Variants in CFAP95 observed in about 807,000 individuals in gnomAD.
CFAP95 encodes the protein cilia and flagella associated protein 95.
chr9:69,884,201 T>C, the CFAP95 span, among the ~76,000 whole-genome samples: 10 of 152,336 alleles, frequency 6.6e-5, no homozygotes, highest in South Asian at 2.1e-3. Flanking sequence ...GTATATATTT[T>C]TATGTATTTT....
At chr9:69,849,116 C>T in the CFAP95 span, among the ~76,000 whole-genome samples, 1 of 152,186 alleles carries the variant, frequency 6.6e-6, no homozygotes, top group Non-Finnish European at 1.5e-5. Flanking sequence ...CTTCATGACA[C>T]TTACATTGCT....
chr9:69,905,842 T>C, the CFAP95 span: 6 of 809,640 alleles, frequency 7.4e-6, no homozygotes, highest in Admixed American at 3.9e-5. Context: ...TAATCAATTG[T>C]TAAAAATTAA....
chr9:69,833,695 G>A, the CFAP95 span, among the ~76,000 whole-genome samples: 2 of 152,012 alleles, frequency 1.3e-5, no homozygotes. Context: ...CCTTGTACAT[G>A]TTATAATCTG....
chr9:69,847,875 G>A, the CFAP95 span, among the ~76,000 whole-genome samples: 1 of 152,146 alleles, frequency 6.6e-6, no homozygotes, highest in African/African-American at 2.4e-5. Context: ...TTTAAAATCG[G>A]ACTTACTTTT....
the CFAP95 span, among the ~76,000 whole-genome samples, chr9:69,877,736 G>A: frequency 6.6e-6 from 1 of 152,148 alleles, no homozygotes; most frequent in Non-Finnish European, 1.5e-5. Context: ...GGAAGATGAT[G>A]ATTTTGTTTC....
the CFAP95 span, among the ~76,000 whole-genome samples, chr9:69,822,000 C>T: frequency 1.4e-3 from 219 of 152,222 alleles, no homozygotes; most frequent in African/African-American, 4.8e-3. Flanking sequence ...TAGAACTTGA[C>T]CTGGAAATTC....
the CFAP95 span, among the ~76,000 whole-genome samples, chr9:69,866,978 A>G: frequency 1.1e-4 from 16 of 152,146 alleles, no homozygotes; most frequent in Non-Finnish European, 2.1e-4. Context: ...ACTAGTTGGC[A>G]AGTTTGCTGA....
the CFAP95 span, among the ~76,000 whole-genome samples, chr9:69,883,396 G>T: frequency 6.6e-6 from 1 of 152,112 alleles, no homozygotes; most frequent in Non-Finnish European, 1.5e-5. Flanking sequence ...CTCTGGTTGG[G>T]GAGGGGTTTA....
chr9:69,822,996 A>G, the CFAP95 span, among the ~76,000 whole-genome samples: 2 of 152,240 alleles, frequency 1.3e-5, no homozygotes, highest in East Asian at 3.8e-4. Context: ...TAAGTTGTCA[A>G]TAATATAGGG....
the CFAP95 span, among the ~76,000 whole-genome samples, chr9:69,842,956 G>T: frequency 6.6e-6 from 1 of 152,204 alleles, no homozygotes; most frequent in Non-Finnish European, 1.5e-5. Flanking sequence ...GGAATGTAGT[G>T]CAGGGGCTGA....
At chr9:69,886,844 A>G in the CFAP95 span, 2 of 1,612,866 alleles carry the variant, frequency 1.2e-6, no homozygotes, top group South Asian at 1.1e-5. Context: ...TTAGGTGTGC[A>G]TTGACAACGT....
chr9:69,897,199 A>G, the CFAP95 span, among the ~76,000 whole-genome samples: 1 of 152,240 alleles, frequency 6.6e-6, no homozygotes, highest in Non-Finnish European at 1.5e-5. Flanking sequence ...ATTCCATCCA[A>G]TGTGACATTC....
At chr9:69,872,970 A>G in the CFAP95 span, among the ~76,000 whole-genome samples, 1 of 152,168 alleles carries the variant, frequency 6.6e-6, no homozygotes. Flanking sequence ...AGGCTACAAT[A>G]CAGGTAGATC....
the CFAP95 span, chr9:69,858,092 T>C: frequency 4.4e-5 from 38 of 863,746 alleles, no homozygotes; most frequent in Non-Finnish European, 6.3e-5. Context: ...GCCCTTTACA[T>C]GACATCTTCG....
chr9:69,887,036 A>T, the CFAP95 span: 2 of 625,566 alleles, frequency 3.2e-6, no homozygotes, highest in African/African-American at 1.9e-5. Flanking sequence ...TTAGCTGTTT[A>T]TTGGAATCAT....
chr9:69,857,819 C>T, the CFAP95 span: 629 of 1,145,536 alleles, frequency 5.5e-4, 2 homozygotes, highest in African/African-American at 9.3e-3. Flanking sequence ...TGAGCCACTG[C>T]GCCCAGCCCC....
the CFAP95 span, chr9:69,905,931 T>C: frequency 6.8e-7 from 1 of 1,477,480 alleles, no homozygotes; most frequent in Non-Finnish European, 9.0e-7. Context: ...TATTAAATAT[T>C]ATTTCTCTTT....
At chr9:69,843,554 C>CTT in the CFAP95 span, among the ~76,000 whole-genome samples, 347 of 17,952 alleles carry the variant, frequency 0.019, 47 homozygotes, top group South Asian at 0.044. Context: ...TCCTCCTCCT[C>CTT]CTCCTTCTTC....
the CFAP95 span, among the ~76,000 whole-genome samples, chr9:69,879,512 C>T: frequency 6.6e-6 from 1 of 152,238 alleles, no homozygotes; most frequent in African/African-American, 2.4e-5. Flanking sequence ...TATGAGGGAG[C>T]TGTGCGCATA....
Sources: allele counts gnomAD v4.1 joint callset (sites outside exome capture counted in the v4.1 genomes callset), GRCh38; gene constraint gnomAD v4.1.1; transcripts MANE v1.5; gene names NCBI Gene and HGNC (gene_info 2026-07-23, HGNC 2026-07-21).